Variants in LINGO2 observed in about 807,000 individuals in gnomAD.
LINGO2 encodes the protein leucine-rich repeat and immunoglobulin-like domain-containing nogo receptor-interacting protein 2.
A neutral mutation model predicts 30.6 loss-of-function variants in LINGO2; 14 were observed. The observed-to-expected ratio is 0.46, with a 90% CI of 0.30 to 0.72. LINGO2 has a LOEUF of 0.72. Among genes scored for constraint, LINGO2 ranks in the 30% least tolerant of loss-of-function variants. LINGO2 has a pLI of 0.07. For missense variants in LINGO2, 729 were observed against 751.7 expected (o/e 0.97, Z 0.35); for synonymous variants, 317 against 288.5 (o/e 1.10, Z -1.00).
In LINGO2 at chr9:28,026,703, C is replaced by T. The variant is rs76206195; in HGVS notation, c.-86-14298G>A. Among the ~76,000 whole-genome samples, 121 of 152,306 alleles carry T rather than the reference C, an allele frequency of 7.9e-4. 1 individual carries two copies. Among genetic ancestry groups the T allele is most frequent in the Non-Finnish European group, 1.4e-3 (93 of 68,032 alleles). On this transcript the variant is annotated intron_variant, in intron 4 of 5. Transcript: ENST00000379992. ...TCTTATTTTTTTGAGGTATCCCCTC[C>T]GTTCCTTCCCTCTGCCCTGTTTCTA... is the stretch of plus-strand genomic sequence containing the variant.
chr9:28,049,643 TTA>T lies in LINGO2; in HGVS notation c.-86-37240_-86-37239del, dbSNP rs1314611286. Among the ~76,000 whole-genome samples, 8 of 150,724 alleles carry T rather than the reference TTA, an allele frequency of 5.3e-5. 2 individuals are homozygous for T. The East Asian group carries it at 1.6e-3, about 30-fold the overall frequency. The stretch of plus-strand genomic sequence containing the variant: ...TATCTAAAAATGCAAATAATTCCAT[TTA>T]TGTCACAAATTGATATAAGGATGAA... On this transcript the variant is annotated intron_variant, in intron 4 of 5. Transcript: ENST00000379992.
At chr9:28,585,050 T>C (rs989958383) in intron 1 of LINGO2, among the ~76,000 whole-genome samples, 3 of 148,770 alleles carry the variant, frequency 2.0e-5, no homozygotes, top group South Asian at 4.3e-4. Context: ...TTGTAAATCA[T>C]GGAACTGTTA....
chr9:28,808,512 T>C, the LINGO2 span, among the ~76,000 whole-genome samples: 4 of 152,218 alleles, frequency 2.6e-5, no homozygotes, highest in Non-Finnish European at 4.4e-5. Flanking sequence ...TGAGGAAAGC[T>C]CTAGCTTTAT....
At chr9:28,997,798 G>A in the LINGO2 span, among the ~76,000 whole-genome samples, 1 of 151,572 alleles carries the variant, frequency 6.6e-6, no homozygotes, top group African/African-American at 2.4e-5. Context: ...ACTCCAGCCT[G>A]GGCAACAGAG....
chr9:28,849,380 T>C, the LINGO2 span, among the ~76,000 whole-genome samples: 34,877 of 151,850 alleles, frequency 0.23, 5,583 homozygotes, highest in African/African-American at 0.46. Context: ...CAGAATAATA[T>C]CATCTGTTTC....
At chr9:28,745,762 A>G in the LINGO2 span, among the ~76,000 whole-genome samples, 1 of 152,026 alleles carries the variant, frequency 6.6e-6, no homozygotes, top group Admixed American at 6.5e-5. Context: ...AGTTCATACA[A>G]TCTGAAGGTA....
the LINGO2 span, among the ~76,000 whole-genome samples, chr9:28,926,202 T>A: frequency 7.9e-5 from 12 of 152,076 alleles, no homozygotes; most frequent in Non-Finnish European, 1.2e-4. Context: ...TAGTCCCAGC[T>A]ACTTGGGAGG....
intron 2 of LINGO2, among the ~76,000 whole-genome samples, chr9:28,384,973 C>T (rs1168599746): frequency 1.3e-5 from 2 of 152,014 alleles, no homozygotes; most frequent in Non-Finnish European, 2.9e-5. Context: ...TAATTTGATT[C>T]TTGTTTCTTG....
intron 4 of LINGO2, among the ~76,000 whole-genome samples, chr9:28,223,935 T>G (rs949527422): frequency 6.6e-6 from 1 of 152,244 alleles, no homozygotes; most frequent in African/African-American, 2.4e-5. Context: ...GTGGCAATGA[T>G]AGCAAAGATG....
At chr9:28,382,698 A>G (rs937156912) in intron 2 of LINGO2, among the ~76,000 whole-genome samples, 1 of 152,128 alleles carries the variant, frequency 6.6e-6, no homozygotes, top group Non-Finnish European at 1.5e-5. Flanking sequence ...CATGGTGGTC[A>G]AAAATACTTG....
the LINGO2 span, among the ~76,000 whole-genome samples, chr9:28,940,628 A>G: frequency 7.9e-5 from 12 of 152,204 alleles, no homozygotes; most frequent in Non-Finnish European, 1.8e-4. Flanking sequence ...GGCTAATAAA[A>G]ATCAGTTATA....
chr9:28,596,530 C>T (rs1825185961), intron 1 of LINGO2, among the ~76,000 whole-genome samples: 1 of 152,064 alleles, frequency 6.6e-6, no homozygotes, highest in African/African-American at 2.4e-5. Context: ...ATGAACCAGC[C>T]AACGATGGCT....
intron 1 of LINGO2, among the ~76,000 whole-genome samples, chr9:28,645,503 G>T (rs1827798285): frequency 1.3e-5 from 2 of 152,046 alleles, no homozygotes. Context: ...TTTGATAAAA[G>T]GCAACGGGCC....
intron 4 of LINGO2, among the ~76,000 whole-genome samples, chr9:28,045,563 T>C (rs1356211278): frequency 6.6e-6 from 1 of 152,240 alleles, no homozygotes. Flanking sequence ...GATTGAGAAT[T>C]ATTGTTCTAA....
chr9:28,669,529 T>G (rs2136039594), intron 1 of LINGO2, among the ~76,000 whole-genome samples: 1 of 152,150 alleles, frequency 6.6e-6, no homozygotes, highest in East Asian at 1.9e-4. Context: ...TGCCACAATA[T>G]AGTTTCCAAC....
At chr9:28,347,998 C>T (rs1819659591) in intron 3 of LINGO2, among the ~76,000 whole-genome samples, 1 of 152,164 alleles carries the variant, frequency 6.6e-6, no homozygotes, top group Non-Finnish European at 1.5e-5. Flanking sequence ...ATTTTCAACA[C>T]TTTGGAGTAT....
intron 1 of LINGO2, among the ~76,000 whole-genome samples, chr9:28,531,956 T>C (rs895978063): frequency 2.6e-5 from 4 of 152,180 alleles, no homozygotes; most frequent in African/African-American, 9.7e-5. Context: ...AAATTGTAGC[T>C]ATTGATATCT....
At chr9:29,055,936 G>GTATATATATATATATATA in the LINGO2 span, among the ~76,000 whole-genome samples, 3 of 121,862 alleles carry the variant, frequency 2.5e-5, no homozygotes, top group African/African-American at 9.5e-5. Flanking sequence ...GTGTATGTGT[G>GTATATATATATATATATA]TGTGTATATA....
chr9:29,002,626 T>C, the LINGO2 span, among the ~76,000 whole-genome samples: 1 of 152,026 alleles, frequency 6.6e-6, no homozygotes, highest in Non-Finnish European at 1.5e-5. Flanking sequence ...TAAGCAATTT[T>C]ATAACCAGAG....
Sources: allele counts gnomAD v4.1 joint callset (sites outside exome capture counted in the v4.1 genomes callset), GRCh38; gene constraint gnomAD v4.1.1; transcripts MANE v1.5; gene names NCBI Gene and HGNC (gene_info 2026-07-23, HGNC 2026-07-21).